The following MIPOL1 variants were observed in gnomAD, a reference collection of about 807,000 sequenced individuals.
The protein encoded by MIPOL1 is mirror-image polydactyly gene 1 protein.
A neutral mutation model predicts 60.9 loss-of-function variants in MIPOL1; 57 were observed. The observed-to-expected ratio is 0.94, with a 90% confidence interval of 0.76 to 1.17. The LOEUF (loss-of-function observed/expected upper bound fraction) is 1.17, where lower values mean the gene tolerates loss of function less well. MIPOL1 is among the 50% of genes most tolerant of loss of function. The pLI is 0.00. For synonymous variants in MIPOL1, 179 were observed against 168.8 expected, an observed-to-expected ratio of 1.06 and a Z score of -0.47; for missense variants, 551 against 511.6, an observed-to-expected ratio of 1.08 and a Z score of -0.74.
intron 7 of MIPOL1, among the ~76,000 whole-genome samples, chr14:37,307,626 T>G (rs1171730475): frequency 2.0e-5 from 3 of 152,006 alleles, no homozygotes; most frequent in Non-Finnish European, 4.4e-5. Context: ...GTCATTGCTT[T>G]TAAGGGAACA....
chr14:37,321,821 C>G (rs1270192689), intron 9 of MIPOL1, among the ~76,000 whole-genome samples: 1 of 151,592 alleles, frequency 6.6e-6, no homozygotes, highest in Non-Finnish European at 1.5e-5. Flanking sequence ...TATGAAATGC[C>G]CACTTTTATT....
chr14:37,540,491 G>C (rs1160845785), intron 12 of MIPOL1, among the ~76,000 whole-genome samples: 1 of 152,058 alleles, frequency 6.6e-6, no homozygotes. Context: ...GTATCTTTCG[G>C]TTGTGGCTAA....
intron 1 of MIPOL1, among the ~76,000 whole-genome samples, chr14:37,216,908 A>G (rs1035449612): frequency 2.6e-5 from 4 of 152,178 alleles, no homozygotes; most frequent in Non-Finnish European, 5.9e-5. Flanking sequence ...ATCCAACATT[A>G]CTAGAGGAAA....
intron 12 of MIPOL1, among the ~76,000 whole-genome samples, chr14:37,514,113 C>G (rs2153626543): frequency 6.6e-6 from 1 of 152,272 alleles, no homozygotes; most frequent in East Asian, 1.9e-4. Context: ...GATTCACATA[C>G]ATGTGATTTT....
At chr14:37,427,517 G>T (rs1170421515) in intron 11 of MIPOL1, among the ~76,000 whole-genome samples, 1 of 152,142 alleles carries the variant, frequency 6.6e-6, no homozygotes, top group South Asian at 2.1e-4. Context: ...AATATTGTCA[G>T]TATACTTACT....
At chr14:37,366,594 T>A (rs1955932) in intron 9 of MIPOL1, among the ~76,000 whole-genome samples, 147,012 of 152,104 alleles carry the variant, frequency 0.97, 71,130 homozygotes, top group East Asian at 1. Flanking sequence ...AGAATGATCC[T>A]TGTGCTGAGG....
At chr14:37,206,185 G>A (rs1966062121) in intron 1 of MIPOL1, among the ~76,000 whole-genome samples, 2 of 152,092 alleles carry the variant, frequency 1.3e-5, no homozygotes, top group Admixed American at 1.3e-4. Flanking sequence ...GGAAAAAATG[G>A]TTTCATGGAC....
At chr14:37,295,712 A>T (rs142552974) in intron 7 of MIPOL1, among the ~76,000 whole-genome samples, 6 of 152,182 alleles carry the variant, frequency 3.9e-5, no homozygotes, top group African/African-American at 1.2e-4. Flanking sequence ...AAAGAAGGCC[A>T]TTGCATAATG....
At chr14:37,227,331 T>A (rs1441812646) in intron 1 of MIPOL1, among the ~76,000 whole-genome samples, 1 of 152,220 alleles carries the variant, frequency 6.6e-6, no homozygotes, top group Non-Finnish European at 1.5e-5. Context: ...AGTCTATTCA[T>A]GTATTCAATA....
intron 7 of MIPOL1, among the ~76,000 whole-genome samples, chr14:37,295,156 T>C (rs1348753303): frequency 2.0e-5 from 3 of 152,196 alleles, no homozygotes; most frequent in African/African-American, 7.2e-5. Context: ...TATTCAACAT[T>C]CTTAAAGAAA....
intron 11 of MIPOL1, among the ~76,000 whole-genome samples, chr14:37,457,729 T>C (rs2094493181): frequency 6.6e-6 from 1 of 152,234 alleles, no homozygotes; most frequent in African/African-American, 2.4e-5. Context: ...CTGGGTTAAG[T>C]GCTCCTTGTA....
chr14:37,442,106 G>C (rs2094257366), intron 11 of MIPOL1, among the ~76,000 whole-genome samples: 1 of 151,236 alleles, frequency 6.6e-6, no homozygotes, highest in African/African-American at 2.4e-5. Context: ...GTGTGTGTGT[G>C]TGTGTGTGTG....
chr14:37,473,318 A>G (rs1347609477), intron 11 of MIPOL1, among the ~76,000 whole-genome samples: 2 of 152,038 alleles, frequency 1.3e-5, no homozygotes, highest in African/African-American at 2.4e-5. Context: ...CAGAAGCCCA[A>G]TTTTGAACTT....
At chr14:37,234,392 T>A (rs1442014237) in intron 1 of MIPOL1, among the ~76,000 whole-genome samples, 1 of 151,378 alleles carries the variant, frequency 6.6e-6, no homozygotes, top group Admixed American at 6.6e-5. Context: ...GATCTTGCTG[T>A]ATTGCCCTGG....
chr14:37,292,619 T>A (rs1462950685), intron 7 of MIPOL1, among the ~76,000 whole-genome samples: 1 of 151,836 alleles, frequency 6.6e-6, no homozygotes, highest in Non-Finnish European at 1.5e-5. Flanking sequence ...TTGCTGGGAT[T>A]ATAGGCACCT....
intron 1 of MIPOL1, among the ~76,000 whole-genome samples, chr14:37,244,048 GTGCAGTT>G (rs1003556786): frequency 6.8e-6 from 1 of 147,866 alleles, no homozygotes; most frequent in African/African-American, 2.5e-5. Context: ...AGAGAAGGGT[GTGCAGTT>G]TGCTTAATTA....
chr14:37,234,866 C>T (rs775855966), intron 1 of MIPOL1, among the ~76,000 whole-genome samples: 1 of 151,708 alleles, frequency 6.6e-6, no homozygotes, highest in African/African-American at 2.4e-5. Context: ...AACTCCGCCT[C>T]ATGGGTTCAG....
intron 9 of MIPOL1, among the ~76,000 whole-genome samples, chr14:37,333,509 G>A (rs1016549165): frequency 6.6e-6 from 1 of 152,016 alleles, no homozygotes; most frequent in Non-Finnish European, 1.5e-5. Context: ...TCTGTAAGAA[G>A]CATACTTGAG....
intron 11 of MIPOL1, among the ~76,000 whole-genome samples, chr14:37,497,718 A>G (rs2153611762): frequency 6.6e-6 from 1 of 152,324 alleles, no homozygotes; most frequent in East Asian, 1.9e-4. Context: ...TACGAAGAGA[A>G]TGAAACATCA....
Sources: allele counts gnomAD v4.1 joint callset (sites outside exome capture counted in the v4.1 genomes callset), GRCh38; gene constraint gnomAD v4.1.1; transcripts MANE v1.5; gene names NCBI Gene and HGNC (gene_info 2026-07-23, HGNC 2026-07-21).